Variants in DTNBP1 observed in about 807,000 individuals in gnomAD.
The protein encoded by DTNBP1 is dystrobrevin binding protein 1, also known as dysbindin.
A neutral mutation model predicts 42.8 loss-of-function variants in DTNBP1; 35 were observed. That is an observed-to-expected ratio of 0.82 (90% confidence interval 0.63 to 1.09). The LOEUF is 1.09. Among genes scored for constraint, DTNBP1 ranks in the 50% least tolerant of loss-of-function variants. The pLI is 0.00. For missense variants in DTNBP1, 457 were observed against 424.2 expected, an observed-to-expected ratio of 1.08 and a Z score of -0.68; for synonymous variants, 171 against 162.2, an observed-to-expected ratio of 1.05 and a Z score of -0.41.
chr6:15,576,403 A>G (rs968903140), intron 7 of DTNBP1, among the ~76,000 whole-genome samples: 2 of 151,682 alleles, frequency 1.3e-5, no homozygotes. Context: ...GATTACAGGC[A>G]TGAGCCACCG....
intron 3 of DTNBP1, among the ~76,000 whole-genome samples, chr6:15,644,244 C>A (rs898508176): frequency 2.0e-5 from 3 of 150,508 alleles, no homozygotes; most frequent in East Asian, 3.9e-4. Flanking sequence ...AAGAAGATAT[C>A]GTATCCTAAA....
chr6:15,633,581 T>C (rs1476149963), intron 4 of DTNBP1, among the ~76,000 whole-genome samples: 1 of 152,220 alleles, frequency 6.6e-6, no homozygotes, highest in Non-Finnish European at 1.5e-5. Context: ...TGATCAAGCA[T>C]GAATGGATGA....
At chr6:15,603,285 A>G (rs1000189203) in intron 6 of DTNBP1, among the ~76,000 whole-genome samples, 3 of 152,252 alleles carry the variant, frequency 2.0e-5, no homozygotes, top group Admixed American at 1.3e-4. Flanking sequence ...AATAAATACA[A>G]TAAAATAAAA....
chr6:15,525,547 G>C (rs1054360363), intron 8 of DTNBP1, among the ~76,000 whole-genome samples: 3 of 152,196 alleles, frequency 2.0e-5, no homozygotes, highest in African/African-American at 7.2e-5. Flanking sequence ...TGAGATGGCT[G>C]TTCATACACC....
At chr6:15,532,975 A>G (rs2127797398) in intron 8 of DTNBP1, among the ~76,000 whole-genome samples, 1 of 152,232 alleles carries the variant, frequency 6.6e-6, no homozygotes, top group Middle Eastern at 3.4e-3. Context: ...CTGGGATTAC[A>G]GGCGTGAGCC....
intron 6 of DTNBP1, among the ~76,000 whole-genome samples, chr6:15,595,404 A>G (rs947359094): frequency 1.3e-5 from 2 of 151,630 alleles, no homozygotes; most frequent in Non-Finnish European, 2.9e-5. Context: ...AGCTGGGATT[A>G]CAGCCACCCA....
At chr6:15,614,756 A>G (rs911381071) in intron 6 of DTNBP1, among the ~76,000 whole-genome samples, 6 of 152,220 alleles carry the variant, frequency 3.9e-5, no homozygotes, top group African/African-American at 7.2e-5. Flanking sequence ...TAACAACTCT[A>G]TGATAGGGGT....
intron 7 of DTNBP1, among the ~76,000 whole-genome samples, chr6:15,555,326 C>T (rs1402345938): frequency 6.6e-6 from 1 of 152,040 alleles, no homozygotes; most frequent in African/African-American, 2.4e-5. Context: ...ACCAGAGCAA[C>T]TCCGTCTTGA....
chr6:15,602,567 C>T (rs1410786020), intron 6 of DTNBP1, among the ~76,000 whole-genome samples: 1 of 152,094 alleles, frequency 6.6e-6, no homozygotes, highest in Non-Finnish European at 1.5e-5. Context: ...AACTCCAACA[C>T]AACTATGGGT....
intron 4 of DTNBP1, among the ~76,000 whole-genome samples, chr6:15,630,473 G>A (rs1759629711): frequency 6.6e-6 from 1 of 152,160 alleles, no homozygotes; most frequent in African/African-American, 2.4e-5. Flanking sequence ...TTGAAGGCAA[G>A]CTAATATTTC....
chr6:15,524,699 C>T (rs191234207), intron 8 of DTNBP1, 30 bp from the exon 9 acceptor site: 30 of 1,608,830 alleles, frequency 1.9e-5, no homozygotes, highest in Admixed American at 6.7e-5. Context: ...AGAAAGGACA[C>T]GCTGTCTTTA....
intron 7 of DTNBP1, among the ~76,000 whole-genome samples, chr6:15,543,430 C>T (rs916796171): frequency 2.6e-5 from 4 of 152,188 alleles, no homozygotes; most frequent in Non-Finnish European, 4.4e-5. Context: ...CAGCTCCATG[C>T]AGTCTTACTA....
chr6:15,576,117 TTC>T (rs575271397), intron 7 of DTNBP1, among the ~76,000 whole-genome samples: 181 of 130,498 alleles, frequency 1.4e-3, no homozygotes, highest in African/African-American at 4.4e-3. Flanking sequence ...TGCTATTAAC[TTC>T]TTTTTCCTTT....
intron 4 of DTNBP1, among the ~76,000 whole-genome samples, chr6:15,635,551 T>C (rs1386841878): frequency 6.6e-6 from 1 of 152,240 alleles, no homozygotes; most frequent in Admixed American, 6.5e-5. Flanking sequence ...TACACTGTCT[T>C]TCCCTCATGC....
chr6:15,596,231 T>C (rs1245424434), intron 6 of DTNBP1, among the ~76,000 whole-genome samples: 1 of 152,146 alleles, frequency 6.6e-6, no homozygotes, highest in African/African-American at 2.4e-5. Flanking sequence ...GTCTGGATCA[T>C]AAGAAGGAAA....
intron 3 of DTNBP1, among the ~76,000 whole-genome samples, chr6:15,646,326 A>T (rs1204076138): frequency 2.0e-5 from 3 of 151,566 alleles, no homozygotes; most frequent in African/African-American, 7.3e-5. Flanking sequence ...GAAGTGAAAG[A>T]TCTCTACAAA....
rs16876575 is a variant in DTNBP1, at chr6:15,524,926, C to T, written c.668-257G>A. Among the ~76,000 whole-genome samples, 20,980 of 152,300 alleles carry T rather than the reference C, an allele frequency of 0.14. 1,590 individuals are homozygous for T. Among genetic ancestry groups the T allele is most frequent in the East Asian group, 0.27 (1,392 of 5,182 alleles). On this transcript the variant is annotated intron_variant, in intron 8 of 9. Coordinates refer to ENST00000344537, the MANE Select transcript of DTNBP1 (RefSeq NM_032122.5). ...GCCCTTTGGGACGCTGAAGACTAAT[C>T]TCTGCATTAAGTGAGTCCCGGCTGT...
chr6:15,651,516 T>C, intron 2 of DTNBP1, 153 bp from the exon 3 acceptor site: 1 of 1,063,214 alleles, frequency 9.4e-7, no homozygotes. Context: ...GTGTTTTATT[T>C]CAGAGTTAAT....
chr6:15,585,622 C>T (rs989339634), intron 7 of DTNBP1: 2 of 1,374,540 alleles, frequency 1.5e-6, no homozygotes, highest in Non-Finnish European at 9.8e-7. Flanking sequence ...AATATATCAT[C>T]TGCATACCAT....
Sources: allele counts gnomAD v4.1 joint callset (sites outside exome capture counted in the v4.1 genomes callset), GRCh38; gene constraint gnomAD v4.1.1; transcripts MANE v1.5; gene names NCBI Gene and HGNC (gene_info 2026-07-23, HGNC 2026-07-21).